PSME4: variants seen among roughly 807,000 people sequenced by gnomAD.
PSME4 encodes the protein proteasome activator complex subunit 4.
PSME4 carries 89 observed loss-of-function variants against 253.9 expected under a neutral mutation model. The ratio of observed to expected loss-of-function variants is 0.35; its 90% CI spans 0.30 to 0.42. The LOEUF (loss-of-function observed/expected upper bound fraction) is 0.42. Ranked by LOEUF, PSME4 falls within the 10% of genes least tolerant of loss-of-function variation. The probability of loss-of-function intolerance (pLI) is 1.00; values close to 1 mark genes in which losing one functional copy is unlikely to be tolerated. For synonymous variants in PSME4, 851 were observed against 759.2 expected, an observed-to-expected ratio of 1.12 and a Z score of -1.99; for missense variants, 2,014 against 2,195.2, an observed-to-expected ratio of 0.92 and a Z score of 1.65.
chr2:53,967,885 G>C (rs1270088436), intron 1 of PSME4, among the ~76,000 whole-genome samples: 1 of 152,006 alleles, frequency 6.6e-6, no homozygotes, highest in Non-Finnish European at 1.5e-5. Context: ...TATTCAAACA[G>C]TTCTTGTAGA....
intron 4 of PSME4, among the ~76,000 whole-genome samples, chr2:53,938,174 A>C (rs1489822378): frequency 6.6e-6 from 1 of 152,224 alleles, no homozygotes; most frequent in Non-Finnish European, 1.5e-5. Flanking sequence ...AATTAAAAAA[A>C]AATCTTGTCA....
At position 53,920,935 on chromosome 2, in the gene PSME4, A is replaced by G; in HGVS notation, c.2216T>C (p.Val739Ala). ...AGGAGGCTTGTCAAAGCCACCTGGCACACTGCAGTATTCTGTAGGGTAGAT... is the reference window on the plus strand; with the variant it reads ...AGGAGGCTTGTCAAAGCCACCTGGCGCACTGCAGTATTCTGTAGGGTAGAT... ...TLIYPTEYCS[V>A]PGGFDKPPSE... is the part of the protein sequence containing the mutation. Residue 739 changes from valine (V) to alanine (A), a missense_variant, in exon 18 of 47, where the codon GTG becomes GCG. By Grantham distance (64) the Val-to-Ala change is moderately conservative. Coordinates refer to ENST00000404125, the MANE Select transcript of PSME4 (RefSeq NM_014614.3). 1 of 1,613,918 alleles carries G rather than the reference A, an allele frequency of 6.2e-7. No homozygotes were observed.
chr2:53,887,710 T>C, intron 39 of PSME4, 148 bp downstream of exon 39: 1 of 1,133,390 alleles, frequency 8.8e-7, no homozygotes, highest in Non-Finnish European at 1.2e-6. Flanking sequence ...TGTTTCATCT[T>C]GTTTCCCACG....
At chr2:53,924,170 TA>T (rs1328043425) in intron 14 of PSME4, among the ~76,000 whole-genome samples, 1 of 152,202 alleles carries the variant, frequency 6.6e-6, no homozygotes, top group African/African-American at 2.4e-5. Flanking sequence ...CACAAAACTT[TA>T]ATTTACTTGC....
At chr2:53,875,804 A>T in intron 41 of PSME4, 49 bp from the exon 42 acceptor site, 1 of 1,544,968 alleles carries the variant, frequency 6.5e-7, no homozygotes, top group Non-Finnish European at 8.8e-7. Flanking sequence ...ATTGCCAATA[A>T]GTACAAAGGC....
rs1670835581 is a variant in PSME4, at chr2:53,968,183, G to A, written c.242+2360C>T. Among the ~76,000 whole-genome samples the A allele has an allele frequency of 2.0e-5, 3 of 150,804 alleles. No homozygotes were observed. In the South Asian group the frequency reaches 6.3e-4, roughly 31 times the overall value. On this transcript the variant is annotated intron_variant, in intron 1 of 46. Coordinates refer to ENST00000404125, the MANE Select transcript of PSME4 (RefSeq NM_014614.3). ...CTACCTACTTGGGAGGCTGAGGCAG[G>A]AGAATCGCTTGAACCCGAAAGGCAG...
chr2:53,918,453 A>G (rs1668155139), intron 20 of PSME4, among the ~76,000 whole-genome samples: 1 of 152,080 alleles, frequency 6.6e-6, no homozygotes, highest in Non-Finnish European at 1.5e-5. Context: ...TCCTGGGCTC[A>G]AGCAATCCTC....
chr2:53,906,065 A>G (rs1304684766), intron 26 of PSME4, among the ~76,000 whole-genome samples: 1 of 152,208 alleles, frequency 6.6e-6, no homozygotes, highest in Non-Finnish European at 1.5e-5. Flanking sequence ...ATTATTTCAT[A>G]AAGATAGAAT....
At chr2:53,968,700 A>G (rs962662086) in intron 1 of PSME4, among the ~76,000 whole-genome samples, 1 of 152,212 alleles carries the variant, frequency 6.6e-6, no homozygotes, top group African/African-American at 2.4e-5. Context: ...TTAGCTATAA[A>G]TGGTTATGGG....
intron 27 of PSME4, among the ~76,000 whole-genome samples, chr2:53,902,494 C>CCT (rs1376520013): frequency 1.3e-5 from 2 of 152,162 alleles, no homozygotes; most frequent in Admixed American, 1.3e-4. Flanking sequence ...GTATTCCACT[C>CCT]CTCTACAGGT....
rs187000586 is a variant in PSME4 at position 53,878,398 on chromosome 2, T to C, written c.4816-2643A>G. On this transcript the variant is annotated intron_variant, in intron 41 of 46. Coordinates refer to ENST00000404125, the MANE Select transcript of PSME4 (RefSeq NM_014614.3). ...GTGATAATTGTGTTAATTGCACAAA[T>C]TGTTTAAACAATATGAAATCTGGGC... Among the ~76,000 whole-genome samples the C allele has an allele frequency of 3.2e-4, 49 of 152,268 alleles. No individual in the cohort carries two copies. The East Asian group carries it at 7.9e-3, about 25-fold the overall frequency.
At chr2:53,906,197 T>C (rs1680651637) in intron 26 of PSME4, among the ~76,000 whole-genome samples, 2 of 152,212 alleles carry the variant, frequency 1.3e-5, no homozygotes, top group East Asian at 1.9e-4. Flanking sequence ...CCAAGCTTAA[T>C]GTCTAGGAGG....
chr2:53,895,457 A>G, intron 33 of PSME4, 126 bp downstream of exon 33: 2 of 958,764 alleles, frequency 2.1e-6, no homozygotes, highest in Non-Finnish European at 3.1e-6. Flanking sequence ...CAAAAGAAAG[A>G]GAGGACTAGG....
In PSME4 at chr2:53,937,192, TCATCTTATTTGG is replaced by T. The variant is rs1298774931; in HGVS notation, c.695+187_695+198del. On this transcript the variant is annotated intron_variant, in intron 5 of 46. Coordinates refer to ENST00000404125, the MANE Select transcript of PSME4 (RefSeq NM_014614.3). The stretch of plus-strand genomic sequence containing the variant: ...TCTTTCTCTTAATTTCTTAAAGCCC[TCATCTTATTTGG>T]GTGTCATCTCTTTACTTTCAATCTT... 2.0e-5 allele frequency among the ~76,000 whole-genome samples: 3 copies of T among 152,168 alleles called. No homozygotes were observed. In the East Asian group the frequency reaches 5.8e-4, roughly 29 times the overall value.
At chr2:53,963,405 A>G (rs547997609) in intron 1 of PSME4, among the ~76,000 whole-genome samples, 3 of 152,272 alleles carry the variant, frequency 2.0e-5, no homozygotes, top group Non-Finnish European at 4.4e-5. Context: ...GATACATCCC[A>G]AACGCCAAAA....
chr2:53,940,952 C>A (rs813940), intron 3 of PSME4, among the ~76,000 whole-genome samples: 55 of 24,004 alleles, frequency 2.3e-3, no homozygotes, highest in South Asian at 5.1e-3. Flanking sequence ...TATATATATA[C>A]ATATATATAT....
chr2:53,895,763 G>A (rs368083147), intron 32 of PSME4, 27 bp from the exon 33 acceptor site: 2 of 1,539,814 alleles, frequency 1.3e-6, no homozygotes, highest in African/African-American at 1.4e-5. Flanking sequence ...CACATTTGAT[G>A]AATTTAAAAA....
intron 20 of PSME4, among the ~76,000 whole-genome samples, chr2:53,916,496 C>G (rs1668070907): frequency 6.6e-6 from 1 of 152,128 alleles, no homozygotes; most frequent in African/African-American, 2.4e-5. Flanking sequence ...TTCTCTTTCT[C>G]TACTAGTTTC....
intron 41 of PSME4, among the ~76,000 whole-genome samples, chr2:53,877,112 A>C (rs1348598317): frequency 2.0e-5 from 3 of 152,026 alleles, no homozygotes; most frequent in Non-Finnish European, 4.4e-5. Flanking sequence ...AATACGTTTT[A>C]AATATTTAAA....
Sources: gnomAD v4.1 joint callset for allele counts (sites outside exome capture counted in the v4.1 genomes callset) on GRCh38, gnomAD v4.1.1 for gene constraint, MANE v1.5 for transcripts, NCBI Gene and HGNC (gene_info 2026-07-23, HGNC 2026-07-21) for gene names.